RIPOR1: variants seen among roughly 807,000 people sequenced by gnomAD.
RIPOR1 encodes RHO family interacting cell polarization regulator 1, also known as rho family-interacting cell polarization regulator 1.
In RIPOR1, 58 loss-of-function variants were observed where a neutral mutation model predicts 116.5. That is an observed-to-expected ratio of 0.50 (90% CI 0.40 to 0.62). The LOEUF is 0.62. Ranked by LOEUF, RIPOR1 falls within the 20% of genes least tolerant of loss-of-function variation. The probability of loss-of-function intolerance (pLI) is 0.00; values close to 1 mark genes in which losing one functional copy is unlikely to be tolerated. For synonymous variants in RIPOR1, 605 were observed against 650.0 expected (o/e 0.93, Z 1.05); for missense variants, 1,372 against 1,586.2 (o/e 0.86, Z 2.29).
In RIPOR1 at chr16:67,540,045, C is replaced by T. The variant is rs778528746; in HGVS notation, c.415-8C>T. The stretch of plus-strand genomic sequence containing the variant: ...GTCCCCCTACTGTCACCCCACTCAC[C>T]TTCCCAGATCGATGAGCTGTATGAG... On this transcript the variant is annotated splice_polypyrimidine_tract_variant and splice_region_variant and intron_variant, in intron 6 of 21. Coordinates refer to ENST00000042381, the MANE Select transcript of RIPOR1 (RefSeq NM_024519.4). This position sits in a 1 kb window ranked among gnomAD's most constrained non-coding sequence, Gnocchi z 4.7. The T allele has an allele frequency of 1.9e-6, 3 of 1,614,140 alleles. No individual in the cohort carries two copies. The highest frequency in any genetic ancestry group is 3.3e-5 in the Admixed American group (2 of 60,016).
rs1184671694 is a variant in RIPOR1 at position 67,545,554 on chromosome 16, C to A, written c.3190+20C>A. The A allele has an allele frequency of 1.2e-6, 2 of 1,613,134 alleles. No homozygotes were observed. The highest frequency in any genetic ancestry group is 1.7e-6 in the Non-Finnish European group (2 of 1,179,450). Reference sequence around the variant, plus strand: ...AGGAGGGTGAGGCGGTGGCCCTGATCACATAGTGGCCTCTTGGGGTCTGAG... The same window carrying A: ...AGGAGGGTGAGGCGGTGGCCCTGATAACATAGTGGCCTCTTGGGGTCTGAG... On this transcript the variant is annotated intron_variant, in intron 18 of 21. Transcript: ENST00000042381. The surrounding 1 kb of genome is among the most constrained non-coding windows in gnomAD (Gnocchi z 4.8).
chr16:67,545,534 G>C lies in RIPOR1; in HGVS notation c.3190G>C (p.Val1064Leu). The C allele has an allele frequency of 6.2e-7, 1 of 1,614,044 alleles. No homozygotes were observed. Among genetic ancestry groups the C allele is most frequent in the Non-Finnish European group, 8.5e-7 (1 of 1,180,004 alleles). Residue 1064 changes from valine (V) to leucine (L), a missense_variant and splice_region_variant, in exon 18 of 22, where the codon GTG becomes CTG. This residue lies in a region of RIPOR1 where 1,005 missense variants were observed against 1,144.7 expected (regional missense o/e 0.88). Transcript: ENST00000042381. This position sits in a 1 kb window ranked among gnomAD's most constrained non-coding sequence, Gnocchi z 4.8. ...EAYVTETAEEVLLVRNLNSDD... is the reference protein window; with the variant it reads ...EAYVTETAEELLLVRNLNSDD... ...CTACGTGACTGAGACCGCTGAGGAG[G>C]GTGAGGCGGTGGCCCTGATCACATA...
Position 67,531,441 on chromosome 16 carries a change from G to A in RIPOR1, c.-24+2527G>A. ...GGAAGACAGGCCCTAAAGGAGAACT[G>A]ACAACTGGGTTATGTGGTCTCGGGG... On this transcript the variant is annotated intron_variant, in intron 1 of 21. Coordinates refer to ENST00000042381, the MANE Select transcript of RIPOR1 (RefSeq NM_024519.4). This position sits in a 1 kb window ranked among gnomAD's most constrained non-coding sequence, Gnocchi z 4.2. The A allele has an allele frequency of 3.1e-6, 1 of 325,092 alleles. No individual in the cohort carries two copies. The highest frequency in any genetic ancestry group is 2.3e-5 in the South Asian group (1 of 43,696). 20.1% of individuals were successfully genotyped at this position (325,092 alleles called of 1,614,324 possible). A position where few individuals can be genotyped will look rare whatever the true frequency, so the allele number is the denominator to read the frequency against.
chr16:67,539,323 G>C (rs527651680), intron 4 of RIPOR1: 1 of 533,798 alleles, frequency 1.9e-6, no homozygotes, highest in East Asian at 3.3e-5. Context: ...GACAGCAGGA[G>C]ATTCTGCTGC....
intron 3 of RIPOR1, 81 bp from the exon 4 acceptor site, chr16:67,538,909 T>C (rs2050888463): frequency 1.2e-6 from 2 of 1,608,532 alleles, no homozygotes; most frequent in Admixed American, 1.7e-5. Flanking sequence ...TCCAGCCCCA[T>C]GCCCTCTCCC....
At chr16:67,532,863 G>A (rs907747078) in intron 1 of RIPOR1, among the ~76,000 whole-genome samples, 4 of 152,254 alleles carry the variant, frequency 2.6e-5, no homozygotes, top group Non-Finnish European at 4.4e-5. Flanking sequence ...TTTAAGGTCA[G>A]TGTTGTTACT....
At chr16:67,533,193 G>C (rs1374034785) in intron 1 of RIPOR1, among the ~76,000 whole-genome samples, 5 of 152,158 alleles carry the variant, frequency 3.3e-5, no homozygotes, top group Non-Finnish European at 7.4e-5. Flanking sequence ...AGACTAGGGA[G>C]AGTCAGGTGG....
At chr16:67,520,336 G>A (rs1216092624) in intron 1 of RIPOR1, among the ~76,000 whole-genome samples, 4 of 150,072 alleles carry the variant, frequency 2.7e-5, no homozygotes, top group East Asian at 2.0e-4. Flanking sequence ...AGCTGAGATC[G>A]CGCCACTGCA....
rs772585357 is a variant in RIPOR1 at position 67,541,718 on chromosome 16, A to G, written c.1016A>G (p.Lys339Arg). 10 of 1,614,002 alleles carry G rather than the reference A, an allele frequency of 6.2e-6. No individual in the cohort carries two copies. In the South Asian group the frequency reaches 9.9e-5, roughly 16 times the overall value. The change falls in exon 12 of 22, where the codon AAG (lysine) becomes AGG (arginine). Residue 339 changes from lysine (K) to arginine (R), a missense_variant. Lys to Arg is a conservative substitution (Grantham distance 26). Transcript: ENST00000042381. The surrounding 1 kb of genome is among the most constrained non-coding windows in gnomAD (Gnocchi z 4.6). ...GTCAACAAGGCCTCCACAGTCACCAAGCGCTTCTCCACCTATAGCCAGAGC... is the reference window on the plus strand; with the variant it reads ...GTCAACAAGGCCTCCACAGTCACCAGGCGCTTCTCCACCTATAGCCAGAGC... ...SSVNKASTVT[K>R]RFSTYSQSPP...
chr16:67,542,243 C>T lies in RIPOR1; in HGVS notation c.1457C>T (p.Thr486Ile), dbSNP rs186913865. ...GPSPPTHPAPTHGEHPSPVPP... is the reference protein window; with the variant it reads ...GPSPPTHPAPIHGEHPSPVPP... ...AGCCCACCTACACACCCAGCTCCCA[C>T]CCATGGAGAGCACCCCAGTCCTGTT... Residue 486 changes from threonine to isoleucine, a missense_variant, in exon 13 of 22, where the codon ACC (threonine) becomes ATC (isoleucine). Physicochemically the swap from Thr to Ile is moderately conservative, Grantham distance 89. Around this residue, in one of 3 missense-constraint regions of RIPOR1, gnomAD observed 1,005 missense variants for 1,144.7 expected, o/e 0.88. Coordinates refer to ENST00000042381, the MANE Select transcript of RIPOR1 (RefSeq NM_024519.4). This position sits in a 1 kb window ranked among gnomAD's most constrained non-coding sequence, Gnocchi z 4.6. 9.9e-6 allele frequency: 16 copies of T among 1,613,650 alleles called. No individual in the cohort carries two copies. In the East Asian group the frequency reaches 3.3e-4, roughly 34 times the overall value.
At position 67,537,408 on chromosome 16, in the gene RIPOR1, G is replaced by A; in HGVS notation, c.-23-1016G>A. ...CCAGTCACCGGTCCCGCCCCATCCA[G>A]GCGGGCTGAGTCAGGCGGCAGGAAC... is the stretch of plus-strand genomic sequence containing the variant. On this transcript the variant is annotated intron_variant, in intron 1 of 21. Coordinates refer to ENST00000042381, the MANE Select transcript of RIPOR1 (RefSeq NM_024519.4). This position sits in a 1 kb window ranked among gnomAD's most constrained non-coding sequence, Gnocchi z 4.6. The A allele has an allele frequency of 8.1e-7, 1 of 1,239,002 alleles. No individual in the cohort carries two copies. The highest frequency in any genetic ancestry group is 1.0e-6 in the Non-Finnish European group (1 of 991,240). The allele number at this position is 1,239,002 out of a possible 1,614,324, so 76.8% of individuals were successfully genotyped here.
chr16:67,543,404 T>A lies in RIPOR1; in HGVS notation c.2535T>A (p.His845Gln). Residue 845 changes from histidine (H) to glutamine (Q), a missense_variant, in exon 14 of 22, where the codon CAT becomes CAA. Around this residue, in one of 3 missense-constraint regions of RIPOR1, gnomAD observed 1,005 missense variants for 1,144.7 expected, o/e 0.88. Transcript: ENST00000042381. The surrounding 1 kb of genome is among the most constrained non-coding windows in gnomAD (Gnocchi z 4.7). ...CCAGTCTCAGCATCACTGTGGAGCA[T>A]GCCTTGGAGAGCTTCAGCTTCCTCA... The part of the protein sequence containing the change: ...RASSLSITVE[H>Q]ALESFSFLNE... The A allele has an allele frequency of 6.3e-7, 1 of 1,586,418 alleles. No individual in the cohort carries two copies. The highest frequency in any genetic ancestry group is 1.1e-5 in the South Asian group (1 of 87,238).
intron 1 of RIPOR1, among the ~76,000 whole-genome samples, chr16:67,536,394 G>A (rs1035607575): frequency 2.6e-5 from 4 of 152,268 alleles, no homozygotes; most frequent in Non-Finnish European, 5.9e-5. Context: ...GTTGCAGTGA[G>A]CCAAGATCGT....
rs1214813103 is a variant in RIPOR1 at position 67,543,314 on chromosome 16, G to A, written c.2479-34G>A. On this transcript the variant is annotated intron_variant, in intron 13 of 21. Coordinates refer to ENST00000042381, the MANE Select transcript of RIPOR1 (RefSeq NM_024519.4). The surrounding 1 kb of genome is among the most constrained non-coding windows in gnomAD (Gnocchi z 4.7). ...GGCAACCAGGGAGGGCAGCCAGGGG[G>A]CGGCAGCCGCTCTGATGCCCTTCAC... 6.2e-7 allele frequency: 1 copy of A among 1,606,996 alleles called. No individual in the cohort carries two copies. Among genetic ancestry groups the A allele is most frequent in the South Asian group, 1.1e-5 (1 of 89,982 alleles).
chr16:67,538,599 T>C, intron 2 of RIPOR1, 49 bp downstream of exon 2: 1 of 1,607,770 alleles, frequency 6.2e-7, no homozygotes, highest in South Asian at 1.1e-5. Flanking sequence ...CAGATGGGGC[T>C]GGGTCTGGGG....
chr16:67,545,363 C>T lies in RIPOR1; in HGVS notation c.3032-13C>T. 2 of 1,610,522 alleles carry T rather than the reference C, an allele frequency of 1.2e-6. No homozygotes were observed. The highest frequency in any genetic ancestry group is 1.3e-5 in the African/African-American group (1 of 74,878). On this transcript the variant is annotated splice_polypyrimidine_tract_variant and intron_variant, in intron 17 of 21. Coordinates refer to ENST00000042381, the MANE Select transcript of RIPOR1 (RefSeq NM_024519.4). The surrounding 1 kb of genome is among the most constrained non-coding windows in gnomAD (Gnocchi z 4.8). ...CACCCAAACTCTGAGGCCCATGCTA[C>T]TGCCTCCTGCAGTGTGTGTGAAGTT...
chr16:67,529,944 C>CAATACCACGGAG lies in RIPOR1; in HGVS notation c.-24+1030_-24+1031insAATACCACGGAG. The CAATACCACGGAG allele has an allele frequency of 1.2e-6, 1 of 868,138 alleles. No homozygotes were observed. Among genetic ancestry groups the CAATACCACGGAG allele is most frequent in the Non-Finnish European group, 1.9e-6 (1 of 536,714 alleles). The allele number at this position is 868,138 out of a possible 1,614,324, so 53.8% of individuals were successfully genotyped here. A position where few individuals can be genotyped will look rare whatever the true frequency, so the allele number is the denominator to read the frequency against. On this transcript the variant is annotated intron_variant, in intron 1 of 21. Transcript: ENST00000042381. The surrounding 1 kb of genome is among the most constrained non-coding windows in gnomAD (Gnocchi z 4.1). ...TCCTTGCCCCTGCGACACCCACCTC[C>CAATACCACGGAG]GTGGTATTGGAGGGAGGAGAGGAAT...
upstream of RIPOR1, among the ~76,000 whole-genome samples, chr16:67,526,335 C>T (rs983857403): frequency 6.6e-6 from 1 of 152,158 alleles, no homozygotes; most frequent in Non-Finnish European, 1.5e-5. Flanking sequence ...AGCCAGATCA[C>T]AGGGGCCGCA....
chr16:67,546,724 C>A lies in RIPOR1; in HGVS notation c.*261C>A. ...CACCCTGCCGCTGCCCAGCCACATC[C>A]CTTGGTTTTGTATTTTATTTACAGA... On this transcript the variant is annotated 3_prime_UTR_variant, in exon 22 of 22. Coordinates refer to ENST00000042381, the MANE Select transcript of RIPOR1 (RefSeq NM_024519.4). The A allele has an allele frequency of 1.8e-6, 1 of 557,104 alleles. No individual in the cohort carries two copies. Among genetic ancestry groups the A allele is most frequent in the Non-Finnish European group, 3.2e-6 (1 of 312,284 alleles). The allele number at this position is 557,104 out of a possible 1,614,324, so 34.5% of individuals were successfully genotyped here.
Sources: allele counts gnomAD v4.1 joint callset (sites outside exome capture counted in the v4.1 genomes callset), GRCh38; gene constraint gnomAD v4.1.1; regional missense constraint gnomAD v4.1.1; non-coding constraint Gnocchi (gnomAD v3.1); transcripts MANE v1.5; gene names NCBI Gene and HGNC (gene_info 2026-07-23, HGNC 2026-07-21).